The following CRTC1 variants were observed in gnomAD, a reference collection of about 807,000 sequenced individuals.
The protein encoded by CRTC1 is CREB-regulated transcription coactivator 1.
CRTC1 carries 18 observed loss-of-function variants against 66.1 expected under a neutral mutation model. That is an observed-to-expected ratio of 0.27 (90% CI 0.19 to 0.40). The LOEUF (loss-of-function observed/expected upper bound fraction) is 0.40, where lower values mean the gene tolerates loss of function less well. CRTC1 is among the 10% of genes least tolerant of loss of function. The pLI is 1.00. For missense variants in CRTC1, 669 were observed against 887.9 expected (o/e 0.75, Z 3.13); for synonymous variants, 416 against 398.8 (o/e 1.04, Z -0.51).
rs150886015 is a variant in CRTC1, at chr19:18,736,647, C to T, written c.127-6263C>T. Among the ~76,000 whole-genome samples the T allele has an allele frequency of 3.0e-4, 46 of 152,094 alleles. No homozygotes were observed. The East Asian group carries it at 6.8e-3, about 22-fold the overall frequency. On this transcript the variant is annotated intron_variant, in intron 1 of 13. Coordinates refer to ENST00000321949, the MANE Select transcript of CRTC1 (RefSeq NM_015321.3). The stretch of plus-strand genomic sequence containing the variant: ...AGCGACTGGTGGCTCCGGGAGGAAG[C>T]ATGTGAGCTGGAGCCTATGGTCATG...
intron 1 of CRTC1, among the ~76,000 whole-genome samples, chr19:18,695,117 C>T (rs751516493): frequency 6.6e-6 from 1 of 152,044 alleles, no homozygotes; most frequent in Non-Finnish European, 1.5e-5. Flanking sequence ...GTGATCTGCC[C>T]GCCTCGGCCT....
intron 1 of CRTC1, among the ~76,000 whole-genome samples, chr19:18,690,210 C>G (rs1288874220): frequency 6.6e-6 from 1 of 152,004 alleles, no homozygotes; most frequent in Non-Finnish European, 1.5e-5. Context: ...AGTACCCAGG[C>G]AAGACAGTCA....
rs372452751 is a variant in CRTC1 at position 18,759,600 on chromosome 19, C to T, written c.665+9C>T. 28 of 1,612,388 alleles carry T rather than the reference C, an allele frequency of 1.7e-5. No homozygotes were observed. Among genetic ancestry groups the T allele is most frequent in the Non-Finnish European group, 2.2e-5 (26 of 1,179,518 alleles). ...GAGGTCCCCGGAATCAAGTAAGTCT[C>T]CACAGGGCCCACCCCGCACACTGCA... On this transcript the variant is annotated intron_variant, in intron 7 of 13. Transcript: ENST00000321949.
intron 5 of CRTC1, among the ~76,000 whole-genome samples, chr19:18,751,279 T>A (rs546646382): frequency 2.3e-3 from 352 of 151,870 alleles, no homozygotes; most frequent in African/African-American, 8.2e-3. Flanking sequence ...ATCCCAGCAC[T>A]TTGGGAGGCC....
At chr19:18,744,028 G>A (rs996526585) in intron 2 of CRTC1, 34 of 1,490,600 alleles carry the variant, frequency 2.3e-5, no homozygotes, top group Middle Eastern at 1.7e-4. Context: ...CCCACAGCCC[G>A]GGGGGAGGTC....
intron 1 of CRTC1, among the ~76,000 whole-genome samples, chr19:18,709,707 C>A (rs773363337): frequency 7.9e-5 from 12 of 152,230 alleles, no homozygotes; most frequent in Non-Finnish European, 1.5e-4. Flanking sequence ...CTGCCCTGGG[C>A]GGGCTTCCTC....
intron 1 of CRTC1, among the ~76,000 whole-genome samples, chr19:18,727,652 G>A (rs749703791): frequency 4.6e-5 from 7 of 151,360 alleles, no homozygotes; most frequent in Non-Finnish European, 1.0e-4. Flanking sequence ...GAGGCGATCC[G>A]TCTACAAGCC....
chr19:18,728,573 T>C (rs1168596771), intron 1 of CRTC1, among the ~76,000 whole-genome samples: 1 of 151,996 alleles, frequency 6.6e-6, no homozygotes, highest in East Asian at 1.9e-4. Flanking sequence ...AATAGTGCGA[T>C]CTTGGCTCAG....
intron 1 of CRTC1, among the ~76,000 whole-genome samples, chr19:18,711,151 C>T (rs778130805): frequency 1.3e-5 from 2 of 152,194 alleles, no homozygotes; most frequent in Non-Finnish European, 2.9e-5. Flanking sequence ...CCACATGCGG[C>T]ATCCTAGCAC....
rs571210236 is a variant in CRTC1, at chr19:18,781,382, C to A, written c.*4000C>A. On this transcript the variant is annotated 3_prime_UTR_variant, in exon 14 of 14. Transcript: ENST00000321949. ...GGCCTCCATTTCCTGGGGGCTCTTG[C>A]GGCATGTGATTTGGGGGTCCCTGGG... is the stretch of plus-strand genomic sequence containing the variant. 5.2e-5 allele frequency: 12 copies of A among 229,412 alleles called. No individual in the cohort carries two copies. The South Asian group carries it at 2.2e-3, about 42-fold the overall frequency. 14.2% of individuals were successfully genotyped at this position (229,412 alleles called of 1,614,324 possible).
intron 8 of CRTC1, among the ~76,000 whole-genome samples, chr19:18,763,360 C>T (rs1209765109): frequency 6.6e-6 from 1 of 152,194 alleles, no homozygotes; most frequent in Admixed American, 6.5e-5. Context: ...CTCAGCCTCC[C>T]AAAGTGCTGG....
Position 18,771,653 on chromosome 19 carries a change from T to C in CRTC1, c.1425+107T>C. 3 of 841,630 alleles carry C rather than the reference T, an allele frequency of 3.6e-6. No homozygotes were observed. The highest frequency in any genetic ancestry group is 3.2e-5 in the South Asian group (2 of 62,244). 52.1% of individuals were successfully genotyped at this position (841,630 alleles called of 1,614,324 possible). A position where few individuals can be genotyped will look rare whatever the true frequency, so the allele number is the denominator to read the frequency against. ...GTCCTCATGCATCGCTCCTCATGCA[T>C]GTCCTCATGCATCCCATCCCGTCCA... On this transcript the variant is annotated intron_variant, in intron 11 of 13. Transcript: ENST00000321949. The surrounding 1 kb of genome is among the most constrained non-coding windows in gnomAD (Gnocchi z 4.6).
rs997465408 is a variant in CRTC1, at chr19:18,782,329, C to T, written c.*4947C>T. On this transcript the variant is annotated 3_prime_UTR_variant, in exon 14 of 14. Transcript: ENST00000321949. ...AAACGTAATAAAAATCCAACGTTTTCGTCACTGGCTCTTCCTCTTTTTTCT... is the reference window on the plus strand; with the variant it reads ...AAACGTAATAAAAATCCAACGTTTTTGTCACTGGCTCTTCCTCTTTTTTCT... The T allele has an allele frequency of 7.3e-5, 15 of 204,862 alleles. No homozygotes were observed. The highest frequency in any genetic ancestry group is 2.3e-4 in the African/African-American group (10 of 43,316). 12.7% of individuals were successfully genotyped at this position (204,862 alleles called of 1,614,324 possible).
intron 1 of CRTC1, among the ~76,000 whole-genome samples, chr19:18,698,129 C>T (rs1416541617): frequency 6.6e-6 from 1 of 151,516 alleles, no homozygotes; most frequent in East Asian, 1.9e-4. Flanking sequence ...TTGTGTTCTG[C>T]AGGCGCTCAG....
chr19:18,759,062 C>T (rs1471472353), intron 6 of CRTC1, among the ~76,000 whole-genome samples: 1 of 152,114 alleles, frequency 6.6e-6, no homozygotes, highest in Admixed American at 6.5e-5. Context: ...CAGCCGGGCG[C>T]AGTGCAGTGA....
intron 1 of CRTC1, among the ~76,000 whole-genome samples, chr19:18,707,411 A>G (rs771413537): frequency 6.6e-6 from 1 of 152,040 alleles, no homozygotes; most frequent in Non-Finnish European, 1.5e-5. Context: ...ACTTGACCAT[A>G]TATGTGAGGG....
intron 1 of CRTC1, among the ~76,000 whole-genome samples, chr19:18,732,198 A>C (rs1034098114): frequency 1.3e-5 from 2 of 152,186 alleles, no homozygotes; most frequent in Non-Finnish European, 1.5e-5. Context: ...CACAAGTTGA[A>C]GCCTTCACCC....
At chr19:18,689,859 AG>A (rs1214974266) in intron 1 of CRTC1, among the ~76,000 whole-genome samples, 2 of 151,688 alleles carry the variant, frequency 1.3e-5, no homozygotes, top group East Asian at 3.9e-4. Flanking sequence ...GCTGGGGAGT[AG>A]AGTTGCCGGG....
In CRTC1 at chr19:18,747,132, C is replaced by T. The variant is rs754758141; in HGVS notation, c.443+18C>T. On this transcript the variant is annotated intron_variant, in intron 4 of 13. Coordinates refer to ENST00000321949, the MANE Select transcript of CRTC1 (RefSeq NM_015321.3). ...TGGAGAAGGTCAGTGGCTGGACACC[C>T]CCCCCCCGCCCCCTTCTTGTTGGAA... 1.4e-5 allele frequency: 11 copies of T among 803,812 alleles called. 1 individual carries two copies. Among genetic ancestry groups the T allele is most frequent in the Non-Finnish European group, 2.2e-5 (11 of 508,638 alleles). 49.8% of individuals were successfully genotyped at this position (803,812 alleles called of 1,614,324 possible). A position where few individuals can be genotyped will look rare whatever the true frequency, so the allele number is the denominator to read the frequency against.
Sources: gnomAD v4.1 joint callset for allele counts (sites outside exome capture counted in the v4.1 genomes callset) on GRCh38, gnomAD v4.1.1 for gene constraint, Gnocchi (gnomAD v3.1) non-coding constraint, MANE v1.5 for transcripts, NCBI Gene and HGNC (gene_info 2026-07-23, HGNC 2026-07-21) for gene names.